Variants in TLL1 observed in about 807,000 individuals in gnomAD.
The protein encoded by TLL1 is tolloid-like protein 1.
In TLL1, 49 loss-of-function variants were observed where a neutral mutation model predicts 128.2. The observed-to-expected ratio is 0.38, with a 90% CI of 0.30 to 0.48. The LOEUF is 0.48. Among genes scored for constraint, TLL1 ranks in the 20% least tolerant of loss-of-function variants. The pLI is 0.96. For synonymous variants in TLL1, 454 were observed against 418.8 expected (o/e 1.08, Z -1.03); for missense variants, 1,123 against 1,242.0 (o/e 0.90, Z 1.44).
chr4:166,096,498 T>C (rs1264565982), intron 19 of TLL1, among the ~76,000 whole-genome samples: 1 of 152,084 alleles, frequency 6.6e-6, no homozygotes, highest in Non-Finnish European at 1.5e-5. Context: ...TTTTTCCTCT[T>C]CTGTTTAATT....
At chr4:166,034,332 AT>A (rs1254166590) in intron 9 of TLL1, among the ~76,000 whole-genome samples, 1 of 152,154 alleles carries the variant, frequency 6.6e-6, no homozygotes, top group African/African-American at 2.4e-5. Context: ...TCCACATAGA[AT>A]TATGTTCACT....
intron 1 of TLL1, among the ~76,000 whole-genome samples, chr4:165,937,807 T>C (rs1345391287): frequency 6.6e-6 from 1 of 151,864 alleles, no homozygotes; most frequent in Non-Finnish European, 1.5e-5. Context: ...CACATTTTTA[T>C]TTTTCTGGGC....
chr4:166,058,633 A>T, intron 14 of TLL1, among the ~76,000 whole-genome samples: 1 of 152,054 alleles, frequency 6.6e-6, no homozygotes, highest in Admixed American at 6.6e-5. Flanking sequence ...TACAGGCAGG[A>T]TGAATTGGAA....
intron 20 of TLL1, 64 bp downstream of exon 20, chr4:166,099,591 T>TA: frequency 6.2e-7 from 1 of 1,600,854 alleles, no homozygotes; most frequent in East Asian, 2.2e-5. Context: ...TCATGATTGA[T>TA]ATGTGTACCA....
chr4:165,899,093 T>G (rs936849409), intron 1 of TLL1, among the ~76,000 whole-genome samples: 2 of 152,116 alleles, frequency 1.3e-5, no homozygotes, highest in Non-Finnish European at 2.9e-5. Context: ...GTCATTTTTT[T>G]TATTGTGTCT....
chr4:166,090,831 A>G (rs2111157651), intron 18 of TLL1, among the ~76,000 whole-genome samples: 1 of 152,214 alleles, frequency 6.6e-6, no homozygotes, highest in South Asian at 2.1e-4. Context: ...TAAATTCAGA[A>G]TAAAATACCA....
chr4:165,919,676 C>T (rs1300379805), intron 1 of TLL1, among the ~76,000 whole-genome samples: 1 of 152,160 alleles, frequency 6.6e-6, no homozygotes, highest in African/African-American at 2.4e-5. Context: ...TGGATAAATA[C>T]AGCTTATTCT....
At chr4:166,009,280 C>A (rs939979261) in intron 7 of TLL1, among the ~76,000 whole-genome samples, 12 of 151,416 alleles carry the variant, frequency 7.9e-5, no homozygotes, top group African/African-American at 2.7e-4. Flanking sequence ...GGTTCCAGTT[C>A]AGTCAAAGTG....
At chr4:166,018,067 G>A (rs1738034736) in intron 8 of TLL1, among the ~76,000 whole-genome samples, 1 of 152,084 alleles carries the variant, frequency 6.6e-6, no homozygotes, top group Non-Finnish European at 1.5e-5. Flanking sequence ...AATTGAGTTC[G>A]GATTGTGTTT....
intron 7 of TLL1, among the ~76,000 whole-genome samples, chr4:166,011,534 G>C (rs760011043): frequency 6.6e-6 from 1 of 151,384 alleles, no homozygotes; most frequent in Non-Finnish European, 1.5e-5. Flanking sequence ...TGTGTGTGTG[G>C]AACAGTTAGA....
intron 18 of TLL1, among the ~76,000 whole-genome samples, chr4:166,089,622 C>G (rs545165596): frequency 6.6e-6 from 1 of 152,236 alleles, no homozygotes; most frequent in African/African-American, 2.4e-5. Flanking sequence ...CTGTATTTCC[C>G]TACGCTGTCT....
At chr4:165,955,237 A>G (rs1412554598) in intron 1 of TLL1, among the ~76,000 whole-genome samples, 2 of 152,032 alleles carry the variant, frequency 1.3e-5, no homozygotes, top group East Asian at 1.9e-4. Flanking sequence ...AAATAAAAAT[A>G]AAAAGAAAGA....
chr4:165,964,156 G>C (rs1026242151), intron 1 of TLL1, among the ~76,000 whole-genome samples: 3 of 152,094 alleles, frequency 2.0e-5, no homozygotes, highest in Non-Finnish European at 4.4e-5. Flanking sequence ...TTAAATACTT[G>C]GGCTCTGGAA....
chr4:166,029,931 A>G (rs1447906903), intron 9 of TLL1, among the ~76,000 whole-genome samples: 1 of 152,044 alleles, frequency 6.6e-6, no homozygotes, highest in South Asian at 2.1e-4. Flanking sequence ...GGCTATTGTG[A>G]ATAGTGCTGA....
chr4:166,053,560 C>T (rs1275848536), intron 12 of TLL1, among the ~76,000 whole-genome samples: 1 of 152,104 alleles, frequency 6.6e-6, no homozygotes, highest in Non-Finnish European at 1.5e-5. Flanking sequence ...CTAACTAAAT[C>T]TGTGCTTCAA....
chr4:165,907,253 A>AT (rs560016041), intron 1 of TLL1, among the ~76,000 whole-genome samples: 44 of 151,180 alleles, frequency 2.9e-4, no homozygotes, highest in South Asian at 1.5e-3. Context: ...CTCAAGCCAT[A>AT]TTTTTTTTTG....
At chr4:166,035,381 T>G (rs946439812) in intron 9 of TLL1, among the ~76,000 whole-genome samples, 3 of 152,158 alleles carry the variant, frequency 2.0e-5, no homozygotes, top group African/African-American at 7.2e-5. Context: ...ACCATGAAAA[T>G]AATAATACAT....
chr4:165,878,901 T>C (rs1180690055), intron 1 of TLL1, among the ~76,000 whole-genome samples: 3 of 149,014 alleles, frequency 2.0e-5, no homozygotes, highest in Admixed American at 2.0e-4. Context: ...GCTTTCCCTC[T>C]TACCCTGATG....
intron 1 of TLL1, among the ~76,000 whole-genome samples, chr4:165,970,646 G>A (rs972993427): frequency 7.2e-5 from 11 of 151,852 alleles, no homozygotes; most frequent in East Asian, 5.8e-4. Flanking sequence ...CAAATTTCCC[G>A]CATACTCTAA....
Sources: allele counts gnomAD v4.1 joint callset (sites outside exome capture counted in the v4.1 genomes callset), GRCh38; gene constraint gnomAD v4.1.1; transcripts MANE v1.5; gene names NCBI Gene and HGNC (gene_info 2026-07-23, HGNC 2026-07-21).